The following DCDC2 variants were observed in gnomAD, a reference collection of about 807,000 sequenced individuals.
The protein encoded by DCDC2 is doublecortin domain containing 2.
In DCDC2, 40 loss-of-function variants were observed where a neutral mutation model predicts 50.2. The ratio of observed to expected loss-of-function variants is 0.80; its 90% CI spans 0.62 to 1.04. The LOEUF is 1.04. Ranked by LOEUF, DCDC2 falls within the 50% of genes least tolerant of loss-of-function variation. The pLI is 0.00. For missense variants in DCDC2, 570 were observed against 581.9 expected (o/e 0.98, Z 0.21); for synonymous variants, 234 against 210.6 (o/e 1.11, Z -0.96).
At chr6:24,212,366 T>C (rs1761891909) in intron 7 of DCDC2, among the ~76,000 whole-genome samples, 1 of 152,082 alleles carries the variant, frequency 6.6e-6, no homozygotes, top group Non-Finnish European at 1.5e-5. Flanking sequence ...TACCCTCTGC[T>C]CCTCCTGCCA....
chr6:24,374,267 TAAC>T, the DCDC2 span, among the ~76,000 whole-genome samples: 1 of 149,358 alleles, frequency 6.7e-6, no homozygotes, highest in Non-Finnish European at 1.5e-5. Flanking sequence ...ATGGGAGCAA[TAAC>T]AACAATTGGA....
At chr6:24,302,405 G>C (rs73726645) in intron 2 of DCDC2, among the ~76,000 whole-genome samples, 12,207 of 151,932 alleles carry the variant, frequency 0.08, 545 homozygotes, top group Middle Eastern at 0.12. Context: ...GAGCTCTGAA[G>C]TGCTGTGCCT....
chr6:24,382,005 A>C, the DCDC2 span, among the ~76,000 whole-genome samples: 635 of 103,948 alleles, frequency 6.1e-3, 4 homozygotes, highest in East Asian at 0.018. Flanking sequence ...GGAAGGAAGG[A>C]AGGAAGGCAG....
At chr6:24,350,005 C>T (rs944143015) in intron 2 of DCDC2, among the ~76,000 whole-genome samples, 1 of 152,096 alleles carries the variant, frequency 6.6e-6, no homozygotes, top group Non-Finnish European at 1.5e-5. Context: ...CCCATTACTT[C>T]CTGCTGTGCA....
intron 7 of DCDC2, among the ~76,000 whole-genome samples, chr6:24,229,763 G>A (rs1008468867): frequency 1.4e-4 from 22 of 152,132 alleles, no homozygotes; most frequent in Non-Finnish European, 2.4e-4. Flanking sequence ...AAATGTTTAT[G>A]CTTACATTAT....
intron 8 of DCDC2, among the ~76,000 whole-genome samples, chr6:24,191,166 C>T (rs575590851): frequency 1.8e-4 from 27 of 152,266 alleles, no homozygotes; most frequent in South Asian, 1.0e-3. Flanking sequence ...TTTGGGGAAC[C>T]TGTCACAGAA....
At chr6:24,181,561 AT>A (rs1454524438) in intron 8 of DCDC2, among the ~76,000 whole-genome samples, 1 of 152,242 alleles carries the variant, frequency 6.6e-6, no homozygotes, top group Non-Finnish European at 1.5e-5. Context: ...CTGGAAGGAG[AT>A]TACAGAAACA....
chr6:24,196,937 T>A (rs1314909900), intron 8 of DCDC2, among the ~76,000 whole-genome samples: 1 of 152,180 alleles, frequency 6.6e-6, no homozygotes, highest in African/African-American at 2.4e-5. Context: ...TCCATATTTA[T>A]AATATAGCTG....
chr6:24,249,703 C>G (rs185874090), intron 7 of DCDC2, among the ~76,000 whole-genome samples: 12 of 152,278 alleles, frequency 7.9e-5, no homozygotes, highest in Admixed American at 5.9e-4. Flanking sequence ...ATTTTGAAAA[C>G]CACATCTCCT....
At chr6:24,320,004 A>G (rs1759742913) in intron 2 of DCDC2, among the ~76,000 whole-genome samples, 1 of 152,202 alleles carries the variant, frequency 6.6e-6, no homozygotes, top group Non-Finnish European at 1.5e-5. Context: ...CGGTGAAGGA[A>G]GAAACTAACC....
chr6:24,280,153 C>A (rs1035182756), intron 6 of DCDC2, among the ~76,000 whole-genome samples: 12 of 152,298 alleles, frequency 7.9e-5, no homozygotes, highest in Middle Eastern at 6.8e-3. Flanking sequence ...ATTTAGCCAT[C>A]ATCCAATTAG....
rs371613727 is a variant in DCDC2 at position 24,243,705 on chromosome 6, A to G, written c.922+34344T>C. ...GTTGAATTAAATTGTCCCTGGCTAC[A>G]TGGCTGATTGTGCCAACCTTTGGAA... is the stretch of plus-strand genomic sequence containing the variant. On this transcript the variant is annotated intron_variant, in intron 7 of 9. Coordinates refer to ENST00000378454, the MANE Select transcript of DCDC2 (RefSeq NM_016356.5). 1.2e-4 allele frequency among the ~76,000 whole-genome samples: 18 copies of G among 152,290 alleles called. No homozygotes were observed. The East Asian group carries it at 1.9e-3, about 16-fold the overall frequency.
At chr6:24,245,115 A>G (rs793858) in intron 7 of DCDC2, among the ~76,000 whole-genome samples, 72,177 of 151,934 alleles carry the variant, frequency 0.48, 20,136 homozygotes, top group Non-Finnish European at 0.6. Context: ...AATCACTTGA[A>G]CCCGGGAGAT....
At chr6:24,308,232 T>C (rs1183156397) in intron 2 of DCDC2, among the ~76,000 whole-genome samples, 1 of 152,230 alleles carries the variant, frequency 6.6e-6, no homozygotes, top group African/African-American at 2.4e-5. Context: ...AAATAGCTAA[T>C]AGCTGGACTA....
At chr6:24,190,454 A>G (rs1420465062) in intron 8 of DCDC2, among the ~76,000 whole-genome samples, 1 of 152,204 alleles carries the variant, frequency 6.6e-6, no homozygotes, top group African/African-American at 2.4e-5. Context: ...GGTGCAGCAC[A>G]CCAACATGGC....
the DCDC2 span, among the ~76,000 whole-genome samples, chr6:24,376,495 C>T: frequency 5.5e-4 from 83 of 152,060 alleles, no homozygotes; most frequent in Non-Finnish European, 1.1e-3. Context: ...GGAAATAGCA[C>T]CAAAGGGTGC....
upstream of DCDC2, among the ~76,000 whole-genome samples, chr6:24,359,142 TTATA>T (rs1561789029): frequency 1.7e-5 from 1 of 57,338 alleles, no homozygotes; most frequent in Non-Finnish European, 2.8e-5. Flanking sequence ...TTTATATATA[TTATA>T]TATTTTATAT....
intron 4 of DCDC2, among the ~76,000 whole-genome samples, chr6:24,294,391 T>C (rs1401595633): frequency 6.6e-6 from 1 of 151,796 alleles, no homozygotes; most frequent in Non-Finnish European, 1.5e-5. Flanking sequence ...ATGAACAACC[T>C]AATAACACAA....
At chr6:24,381,803 AAAGGAAGG>A in the DCDC2 span, among the ~76,000 whole-genome samples, 4,134 of 67,234 alleles carry the variant, frequency 0.061, 136 homozygotes, top group African/African-American at 0.072. Flanking sequence ...GGAAGGAAAG[AAAGGAAGG>A]AAGGAAGGAA....
Sources: allele counts gnomAD v4.1 joint callset (sites outside exome capture counted in the v4.1 genomes callset), GRCh38; gene constraint gnomAD v4.1.1; transcripts MANE v1.5; gene names NCBI Gene and HGNC (gene_info 2026-07-23, HGNC 2026-07-21).